Variants in DPYSL4 observed in about 807,000 individuals in gnomAD.
The protein encoded by DPYSL4 is dihydropyrimidinase like 4.
DPYSL4 carries 43 observed loss-of-function variants against 63.4 expected under a neutral mutation model. The observed-to-expected ratio is 0.68, with a 90% CI of 0.53 to 0.88. The LOEUF is 0.88. DPYSL4 is among the 40% of genes least tolerant of loss of function. The probability of loss-of-function intolerance (pLI) is 0.00; values close to 1 mark genes in which losing one functional copy is unlikely to be tolerated. For missense variants in DPYSL4, 733 were observed against 819.5 expected (o/e 0.89, Z 1.29); for synonymous variants, 353 against 331.7 (o/e 1.06, Z -0.70).
chr10:132,187,362 CCCTGCCGGGCCCTGCCCGGCCT>C (rs1565035178), intron 1 of DPYSL4, among the ~76,000 whole-genome samples: 73 of 16,616 alleles, frequency 4.4e-3, no homozygotes, highest in South Asian at 0.019. Context: ...CCCTGCCGGG[CCCTGCCGGGCCCTGCCCGGCCT>C]TGCCCGGCCT....
chr10:132,201,574 C>G (rs1162838789), intron 10 of DPYSL4, among the ~76,000 whole-genome samples: 1 of 152,264 alleles, frequency 6.6e-6, no homozygotes, highest in African/African-American at 2.4e-5. Context: ...GATGGGCTCC[C>G]TGACTCACCA....
chr10:132,192,407 C>T, intron 2 of DPYSL4: 2 of 1,144,530 alleles, frequency 1.7e-6, no homozygotes, highest in Non-Finnish European at 2.1e-6. Flanking sequence ...CAACCAGGGA[C>T]CTGAGTGGAA....
Position 132,202,798 on chromosome 10 carries a change from C to G in DPYSL4, c.1434C>G (p.Val478=). Residue 478 remains valine (V), a synonymous_variant, in exon 12 of 14, where the codon GTC becomes GTG. Transcript: ENST00000338492. The stretch of plus-strand genomic sequence containing the variant: ...CTCGGAAAACATTCCCGGACTTTGT[C>G]TACAAGAGGATCAAAGCTCGCAACA... ...FVPRKTFPDF[V]YKRIKARNRL... The G allele has an allele frequency of 1.2e-6, 2 of 1,606,676 alleles. No homozygotes were observed. Among genetic ancestry groups the G allele is most frequent in the Non-Finnish European group, 1.7e-6 (2 of 1,176,430 alleles).
intron 2 of DPYSL4, 187 bp from the exon 3 acceptor site, chr10:132,192,471 G>A (rs749831939): frequency 3.0e-6 from 4 of 1,347,488 alleles, no homozygotes; most frequent in Non-Finnish European, 3.8e-6. Flanking sequence ...ACCGTCCTGA[G>A]CTGCGCTGAG....
intron 7 of DPYSL4, 79 bp from the exon 8 acceptor site, chr10:132,198,772 C>A: frequency 6.4e-7 from 1 of 1,568,014 alleles, no homozygotes; most frequent in South Asian, 1.2e-5. Context: ...ATGGGTGACA[C>A]CTGGGCATCC....
Position 132,202,104 on chromosome 10 carries a change from G to C in DPYSL4, c.1269G>C (p.Lys423Asn). 1 of 1,612,632 alleles carries C rather than the reference G, an allele frequency of 6.2e-7. No individual in the cohort carries two copies. Among genetic ancestry groups the C allele is most frequent in the Non-Finnish European group, 8.5e-7 (1 of 1,179,678 alleles). The change falls in exon 11 of 14, where the codon AAG (lysine) becomes AAC (asparagine). Residue 423 changes from lysine to asparagine, a missense_variant. Transcript: ENST00000338492. Reference protein sequence around the residue: ...NPKATKIISAKTHNLNVEYNI... With the variant: ...NPKATKIISANTHNLNVEYNI... ...AGGCCACCAAGATCATCTCTGCCAA[G>C]ACCCACAATCTGGTAAGAGAAGGCG...
intron 8 of DPYSL4, among the ~76,000 whole-genome samples, chr10:132,199,660 G>A (rs904366891): frequency 7.1e-6 from 1 of 140,978 alleles, no homozygotes; most frequent in African/African-American, 2.5e-5. Flanking sequence ...GCCTGCCTGG[G>A]GCTGTGCAGG....
At chr10:132,192,981 A>C (rs2061897318) in intron 3 of DPYSL4, 139 bp downstream of exon 3, 1 of 858,208 alleles carries the variant, frequency 1.2e-6, no homozygotes, top group African/African-American at 1.7e-5. Flanking sequence ...CTGTCTGAGA[A>C]CCTGGAGTGC....
rs371621210 is a variant in DPYSL4 at position 132,198,981 on chromosome 10, C to T, written c.811+10C>T. The T allele has an allele frequency of 9.4e-5, 151 of 1,599,604 alleles. No individual in the cohort carries two copies. The highest frequency in any genetic ancestry group is 5.5e-5 in the Non-Finnish European group (65 of 1,171,894). ...CAGGCCAAGCGCAGAGGTGAGCACC[C>T]AGCCCCGCCTCTGATGCCGAGGGGC... On this transcript the variant is annotated intron_variant, in intron 8 of 13. Transcript: ENST00000338492.
At chr10:132,200,090 C>A (rs191491892) in intron 8 of DPYSL4, among the ~76,000 whole-genome samples, 5 of 152,260 alleles carry the variant, frequency 3.3e-5, no homozygotes, top group African/African-American at 1.2e-4. Flanking sequence ...TGCCCGGGGT[C>A]CTGGGGTGGG....
chr10:132,198,322 C>A, intron 6 of DPYSL4, 93 bp from the exon 7 acceptor site: 1 of 1,312,826 alleles, frequency 7.6e-7, no homozygotes, highest in Non-Finnish European at 1.1e-6. Flanking sequence ...TCCAGGACCA[C>A]TTGGGGAATG....
intron 11 of DPYSL4, 151 bp from the exon 12 acceptor site, chr10:132,202,495 A>C: frequency 9.7e-7 from 1 of 1,033,230 alleles, no homozygotes; most frequent in Non-Finnish European, 1.4e-6. Flanking sequence ...CCGAGTTCCA[A>C]CCCCTCAGTT....
chr10:132,192,548 C>T lies in DPYSL4; in HGVS notation c.129-110C>T, dbSNP rs563156727. The T allele has an allele frequency of 1.4e-4, 211 of 1,462,626 alleles. 1 individual carries two copies. In the South Asian group the frequency reaches 2.7e-3, roughly 19 times the overall value. 90.6% of individuals were successfully genotyped at this position (1,462,626 alleles called of 1,614,324 possible). A position where few individuals can be genotyped will look rare whatever the true frequency, so the allele number is the denominator to read the frequency against. On this transcript the variant is annotated intron_variant, in intron 2 of 13. Coordinates refer to ENST00000338492, the MANE Select transcript of DPYSL4 (RefSeq NM_006426.3). The stretch of plus-strand genomic sequence containing the variant: ...GAGTGGCCGGCCGTGCTGGCCTTTT[C>T]CTCGGGGTCTGGAGCTCATGCAAAC...
chr10:132,192,891 C>G, intron 3 of DPYSL4, 49 bp downstream of exon 3: 1 of 1,534,236 alleles, frequency 6.5e-7, no homozygotes, highest in Non-Finnish European at 8.8e-7. Context: ...GCGTCTGCTG[C>G]CCCTCTCTCT....
In DPYSL4 at chr10:132,199,641, G is replaced by A. The variant is rs111957483; in HGVS notation, c.811+670G>A. On this transcript the variant is annotated intron_variant, in intron 8 of 13. Coordinates refer to ENST00000338492, the MANE Select transcript of DPYSL4 (RefSeq NM_006426.3). Reference sequence around the variant, plus strand: ...TCCGCACTGAGTCCTGAGAGACCTCGTTTTCTGGGCCTGCCTGGGGCTGTG... The same window carrying A: ...TCCGCACTGAGTCCTGAGAGACCTCATTTTCTGGGCCTGCCTGGGGCTGTG... Among the ~76,000 whole-genome samples the A allele has an allele frequency of 1.7e-3, 237 of 141,062 alleles. 5 individuals are homozygous for A. Among genetic ancestry groups the A allele is most frequent in the African/African-American group, 5.0e-3 (192 of 38,546 alleles). 92.5% of individuals were successfully genotyped at this position (141,062 alleles called of 152,430 possible). A position where few individuals can be genotyped will look rare whatever the true frequency, so the allele number is the denominator to read the frequency against.
At chr10:132,198,512 C>G (rs373140345) in intron 7 of DPYSL4, 29 bp downstream of exon 7, 4 of 1,574,698 alleles carry the variant, frequency 2.5e-6, no homozygotes, top group African/African-American at 1.3e-5. Flanking sequence ...ACAGCACACC[C>G]GAGCCAACTC....
At chr10:132,187,126 G>C in intron 1 of DPYSL4, 24 bp downstream of exon 1, 1 of 1,507,654 alleles carries the variant, frequency 6.6e-7, no homozygotes, top group Non-Finnish European at 8.9e-7. Flanking sequence ...CGCTTCGCCC[G>C]GCGCCCCCTG....
At chr10:132,203,661 C>G in intron 12 of DPYSL4, 101 bp from the exon 13 acceptor site, 1 of 1,185,080 alleles carries the variant, frequency 8.4e-7, no homozygotes, top group African/African-American at 1.5e-5. Flanking sequence ...AGGCCCAGCC[C>G]TCCAGCTGCC....
Position 132,204,997 on chromosome 10 carries a change from G to A in DPYSL4, c.*67G>A, listed in dbSNP as rs966979315. The A allele has an allele frequency of 1.4e-5, 18 of 1,296,552 alleles. No homozygotes were observed. Among genetic ancestry groups the A allele is most frequent in the African/African-American group, 3.0e-5 (2 of 66,750 alleles). 80.3% of individuals were successfully genotyped at this position (1,296,552 alleles called of 1,614,324 possible). A position where few individuals can be genotyped will look rare whatever the true frequency, so the allele number is the denominator to read the frequency against. ...AGGCCGCGGGGGCCCCAGGGCACTCGCCCCCCTCCTTAGCATTTTCTTTTG... is the reference window on the plus strand; with the variant it reads ...AGGCCGCGGGGGCCCCAGGGCACTCACCCCCCTCCTTAGCATTTTCTTTTG... On this transcript the variant is annotated 3_prime_UTR_variant, in exon 14 of 14. Coordinates refer to ENST00000338492, the MANE Select transcript of DPYSL4 (RefSeq NM_006426.3).
Sources: gnomAD v4.1 joint callset for allele counts (sites outside exome capture counted in the v4.1 genomes callset) on GRCh38, gnomAD v4.1.1 for gene constraint, MANE v1.5 for transcripts, NCBI Gene and HGNC (gene_info 2026-07-23, HGNC 2026-07-21) for gene names.